Variants in NTM observed in about 807,000 individuals in gnomAD.
NTM encodes IgLON family member 2.
In NTM, 13 loss-of-function variants were observed where a neutral mutation model predicts 42.1. The observed-to-expected ratio is 0.31, with a 90% CI of 0.20 to 0.49. The LOEUF (loss-of-function observed/expected upper bound fraction) is 0.49. Ranked by LOEUF, NTM falls within the 20% of genes least tolerant of loss-of-function variation. The pLI is 0.99. For missense variants in NTM, 373 were observed against 452.8 expected (o/e 0.82, Z 1.60); for synonymous variants, 187 against 179.2 (o/e 1.04, Z -0.35).
At chr11:132,295,016 C>T (rs1032540867) in intron 4 of NTM, among the ~76,000 whole-genome samples, 1 of 151,968 alleles carries the variant, frequency 6.6e-6, no homozygotes, top group Non-Finnish European at 1.5e-5. Context: ...CCAGGCCTAG[C>T]TTGATGAAGG....
chr11:132,232,381 C>G (rs375395934), intron 4 of NTM, among the ~76,000 whole-genome samples: 11 of 152,242 alleles, frequency 7.2e-5, no homozygotes, highest in African/African-American at 2.4e-4. Flanking sequence ...AACTGGGACC[C>G]GGGCACACTG....
chr11:131,844,205 GTGT>G lies in NTM; in HGVS notation c.83-67358_83-67356del, dbSNP rs559816289. On this transcript the variant is annotated intron_variant, in intron 1 of 8. Coordinates refer to ENST00000683400, the MANE Select transcript of NTM (RefSeq NM_001352005.2). ...TTTAATCTATCTGCAATTGATGTTT[GTGT>G]GTGATGTGAGACAGGGGCCTTGGGA... 2.7e-3 allele frequency among the ~76,000 whole-genome samples: 416 copies of G among 152,222 alleles called. 1 individual carries two copies. The highest frequency in any genetic ancestry group is 9.6e-3 in the African/African-American group (399 of 41,538).
At chr11:131,568,503 C>T (rs1033731894) in intron 1 of NTM, among the ~76,000 whole-genome samples, 6 of 152,150 alleles carry the variant, frequency 3.9e-5, no homozygotes, top group African/African-American at 7.2e-5. Context: ...TCTCATATGA[C>T]GTCATAGCAA....
intron 2 of NTM, among the ~76,000 whole-genome samples, chr11:132,048,948 G>T (rs1167325020): frequency 6.6e-6 from 1 of 151,808 alleles, no homozygotes; most frequent in Admixed American, 6.6e-5. Context: ...GAGATTCAAG[G>T]CTGACTGACC....
intron 2 of NTM, among the ~76,000 whole-genome samples, chr11:131,966,723 G>A (rs910235418): frequency 3.9e-5 from 6 of 152,164 alleles, no homozygotes; most frequent in Admixed American, 3.3e-4. Context: ...ATCAGGTCAG[G>A]TCTCAGGGAC....
intron 1 of NTM, among the ~76,000 whole-genome samples, chr11:131,409,650 G>A (rs1441494613): frequency 6.6e-6 from 1 of 152,186 alleles, no homozygotes; most frequent in Non-Finnish European, 1.5e-5. Context: ...CAGGGGAGCG[G>A]CATGAGCCAT....
intron 2 of NTM, among the ~76,000 whole-genome samples, chr11:132,009,720 T>A (rs1449333417): frequency 6.6e-6 from 1 of 152,188 alleles, no homozygotes; most frequent in Non-Finnish European, 1.5e-5. Context: ...TAGACCAAAT[T>A]GCCTCCCTGT....
intron 2 of NTM, among the ~76,000 whole-genome samples, chr11:132,125,657 G>C (rs372332676): frequency 1.0e-4 from 4 of 38,376 alleles, no homozygotes; most frequent in Admixed American, 2.8e-4. Context: ...GTGGTATGTG[G>C]TGTGTGTGTC....
At chr11:131,645,229 G>A (rs1392608129) in intron 1 of NTM, among the ~76,000 whole-genome samples, 1 of 152,200 alleles carries the variant, frequency 6.6e-6, no homozygotes, top group Non-Finnish European at 1.5e-5. Flanking sequence ...AAGCAGCAGG[G>A]TTTAGTTTTA....
rs1276739088 is a variant in NTM, at chr11:132,235,458, A to G, written c.526+23311A>G. Among the ~76,000 whole-genome samples, 9 of 152,328 alleles carry G rather than the reference A, an allele frequency of 5.9e-5. No homozygotes were observed. The South Asian group carries it at 1.5e-3, about 25-fold the overall frequency. On this transcript the variant is annotated intron_variant, in intron 4 of 8. Coordinates refer to ENST00000683400, the MANE Select transcript of NTM (RefSeq NM_001352005.2). ...GGATTGAAAGGTGGTCACATTTCAG[A>G]ATTAGCAGATGCCTAGAATGTAGTA...
chr11:131,956,724 G>C (rs1451236997), intron 2 of NTM, among the ~76,000 whole-genome samples: 1 of 150,474 alleles, frequency 6.6e-6, no homozygotes, highest in Admixed American at 6.6e-5. Context: ...TTGTCTTCTA[G>C]CCAGGTAGCT....
intron 1 of NTM, among the ~76,000 whole-genome samples, chr11:131,552,992 C>A (rs1043912137): frequency 6.6e-6 from 1 of 152,094 alleles, no homozygotes; most frequent in Non-Finnish European, 1.5e-5. Flanking sequence ...GCTACAGTGG[C>A]CAGAAAAAGA....
intron 2 of NTM, among the ~76,000 whole-genome samples, chr11:131,953,833 T>G (rs1462022802): frequency 6.6e-6 from 1 of 151,764 alleles, no homozygotes; most frequent in East Asian, 1.9e-4. Context: ...TGATCAGAGG[T>G]GAGAAAAATG....
intron 2 of NTM, among the ~76,000 whole-genome samples, chr11:132,101,321 C>T (rs1044148100): frequency 1.3e-5 from 2 of 152,138 alleles, no homozygotes; most frequent in Admixed American, 6.5e-5. Flanking sequence ...TGGCATCCAC[C>T]TGTGACATCA....
Position 131,480,800 on chromosome 11 carries a change from TG to T in NTM, c.82+109917del, listed in dbSNP as rs1953495739. Among the ~76,000 whole-genome samples, 4 of 140,366 alleles carry T rather than the reference TG, an allele frequency of 2.8e-5. No homozygotes were observed. In the Admixed American group the frequency reaches 3.0e-4, roughly 11 times the overall value. 92.1% of individuals were successfully genotyped at this position (140,366 alleles called of 152,430 possible). A position where few individuals can be genotyped will look rare whatever the true frequency, so the allele number is the denominator to read the frequency against. On this transcript the variant is annotated intron_variant, in intron 1 of 8. Transcript: ENST00000683400. ...TTAACTTCAGTCTGGGTGGTGGGGG[TG>T]GGGGAAACTCATTTCTTTCCATCCC...
intron 1 of NTM, among the ~76,000 whole-genome samples, chr11:131,476,663 A>G (rs1212069447): frequency 6.6e-6 from 1 of 152,160 alleles, no homozygotes; most frequent in Non-Finnish European, 1.5e-5. Context: ...ATAAAAGAAA[A>G]AGGAGAGAGC....
intron 1 of NTM, among the ~76,000 whole-genome samples, chr11:131,812,112 A>G (rs1942228797): frequency 6.6e-6 from 1 of 151,716 alleles, no homozygotes; most frequent in Non-Finnish European, 1.5e-5. Context: ...TTAAAACTCC[A>G]TTTGGTCTCT....
intron 2 of NTM, among the ~76,000 whole-genome samples, chr11:132,087,035 C>T (rs1046425018): frequency 3.3e-5 from 5 of 152,194 alleles, no homozygotes; most frequent in African/African-American, 1.2e-4. Flanking sequence ...AGATGAATGG[C>T]TGCTCACCTA....
chr11:131,909,575 C>T (rs2027786), intron 1 of NTM: 12,214 of 152,320 alleles, frequency 0.08, 689 homozygotes, highest in Non-Finnish European at 0.12. Flanking sequence ...GGCTGGAGGC[C>T]GGCTCTGGGA....
Sources: allele counts gnomAD v4.1 joint callset (sites outside exome capture counted in the v4.1 genomes callset), GRCh38; gene constraint gnomAD v4.1.1; transcripts MANE v1.5; gene names NCBI Gene and HGNC (gene_info 2026-07-23, HGNC 2026-07-21).